CDC20B: variants seen among roughly 807,000 people sequenced by gnomAD.
CDC20B encodes the protein cell division cycle 20B.
In CDC20B, 58 loss-of-function variants were observed where a neutral mutation model predicts 64.1. That is an observed-to-expected ratio of 0.90 (90% confidence interval 0.73 to 1.13). The LOEUF is 1.13. Among genes scored for constraint, CDC20B ranks in the 50% most tolerant of loss-of-function variants. The pLI, the probability that CDC20B is intolerant of heterozygous loss-of-function variation, is 0.00. For missense variants in CDC20B, 597 were observed against 633.0 expected, an observed-to-expected ratio of 0.94 and a Z score of 0.61; for synonymous variants, 243 against 230.6, an observed-to-expected ratio of 1.05 and a Z score of -0.49.
In CDC20B at chr5:55,160,284, C is replaced by T. The variant is rs781053386; in HGVS notation, c.126+12304G>A. On this transcript the variant is annotated intron_variant, in intron 2 of 11. Coordinates refer to ENST00000381375, the MANE Select transcript of CDC20B (RefSeq NM_001170402.1). ...CTGTCTATAGTTCTATGCACAGTAA[C>T]GCTATTTCTTCTACAACTAAAATTC... 4.3e-6 allele frequency: 7 copies of T among 1,613,286 alleles called. No individual in the cohort carries two copies. In the East Asian group the frequency reaches 1.3e-4, roughly 31 times the overall value.
At chr5:55,143,735 A>G in intron 3 of CDC20B, 92 bp from the exon 4 acceptor site, 1 of 1,300,666 alleles carries the variant, frequency 7.7e-7, no homozygotes, top group Non-Finnish European at 1.1e-6. Flanking sequence ...TCACAGAAGG[A>G]CAGAGTGAAA....
At chr5:55,134,160 AC>A (rs1356306330) in intron 5 of CDC20B, among the ~76,000 whole-genome samples, 1 of 152,150 alleles carries the variant, frequency 6.6e-6, no homozygotes, top group Admixed American at 6.5e-5. Context: ...CTAAGTTCAA[AC>A]CACAGGCCGC....
chr5:55,143,831 T>C (rs779685987), intron 3 of CDC20B, among the ~76,000 whole-genome samples, 188 bp from the exon 4 acceptor site: 25 of 152,120 alleles, frequency 1.6e-4, no homozygotes, highest in Non-Finnish European at 2.5e-4. Context: ...CCAAAGTCCA[T>C]TGCAGAGAGC....
Position 55,143,580 on chromosome 5 carries a change from A to G in CDC20B, c.419T>C (p.Leu140Pro), listed in dbSNP as rs1743390146. The change falls in exon 4 of 12, where the codon CTC becomes CCC. Residue 140 changes from leucine (L) to proline (P), a missense_variant. Coordinates refer to ENST00000381375, the MANE Select transcript of CDC20B (RefSeq NM_001170402.1). ...KGISETSNSA[L>P]HFCKAPHAMD... The stretch of plus-strand genomic sequence containing the variant: ...TGCATGAGGTGCCTTGCAAAAATGG[A>G]GAGCAGAGTTACTTGTTTCAGAAAT... 1 of 1,610,236 alleles carries G rather than the reference A, an allele frequency of 6.2e-7. No individual in the cohort carries two copies. The highest frequency in any genetic ancestry group is 1.1e-5 in the South Asian group (1 of 90,560).
At chr5:55,150,802 C>T (rs570828108) in intron 2 of CDC20B, among the ~76,000 whole-genome samples, 11 of 152,178 alleles carry the variant, frequency 7.2e-5, no homozygotes, top group African/African-American at 2.2e-4. Flanking sequence ...TGGAGTGCAG[C>T]GGCACAATCA....
chr5:55,126,096 A>G (rs1332751954), intron 8 of CDC20B, among the ~76,000 whole-genome samples: 1 of 152,230 alleles, frequency 6.6e-6, no homozygotes, highest in Non-Finnish European at 1.5e-5. Flanking sequence ...AGATTAGAAA[A>G]GGAGCTTGAG....
chr5:55,166,348 T>G (rs565453107), intron 2 of CDC20B: 4 of 152,344 alleles, frequency 2.6e-5, no homozygotes, highest in Non-Finnish European at 4.4e-5. Context: ...TTCACTTACA[T>G]CTCTCTAATC....
chr5:55,117,881 G>A (rs1371191539), intron 11 of CDC20B, among the ~76,000 whole-genome samples: 6 of 152,124 alleles, frequency 3.9e-5, no homozygotes, highest in Admixed American at 6.5e-5. Flanking sequence ...TTGGGAGGCC[G>A]AGGTGGGTGG....
chr5:55,128,280 C>T (rs565384962), intron 7 of CDC20B, 141 bp downstream of exon 7: 35 of 491,184 alleles, frequency 7.1e-5, no homozygotes, highest in East Asian at 4.1e-4. Context: ...AAAAAAAAAG[C>T]GGAATGTCAT....
rs1004627991 is a variant in CDC20B, at chr5:55,158,960, T to G, written c.127-12104A>C. On this transcript the variant is annotated intron_variant, in intron 2 of 11. Coordinates refer to ENST00000381375, the MANE Select transcript of CDC20B (RefSeq NM_001170402.1). ...TTTCAGGGATTTTTTTTGGTAGAAT[T>G]GCCTTATTTAACTGTTAAATTACTA... Among the ~76,000 whole-genome samples the G allele has an allele frequency of 2.6e-5, 4 of 152,172 alleles. No homozygotes were observed. In the South Asian group the frequency reaches 8.3e-4, roughly 32 times the overall value.
intron 2 of CDC20B, chr5:55,161,095 C>CGT (rs1561302976): frequency 6.2e-7 from 1 of 1,614,156 alleles, no homozygotes; most frequent in South Asian, 1.1e-5. Flanking sequence ...CCCACTTCAG[C>CGT]GTGTTGGCTT....
Position 55,113,095 on chromosome 5 carries a change from T to TTGTGTCCCCTGG in CDC20B, c.*1122_*1123insCCAGGGGACACA, listed in dbSNP as rs1742545647. 2 of 152,294 alleles carry TTGTGTCCCCTGG rather than the reference T, an allele frequency of 1.3e-5. No individual in the cohort carries two copies. Among genetic ancestry groups the TTGTGTCCCCTGG allele is most frequent in the South Asian group, 4.1e-4 (2 of 4,828 alleles). The allele number at this position is 152,294 out of a possible 1,614,324, so 9.4% of individuals were successfully genotyped here. ...ATTTCAAAACACTTCCTGGAGAGGT[T>TTGTGTCCCCTGG]AGGACTTGTGTGGGTGTGTAAAGGA... is the stretch of plus-strand genomic sequence containing the variant. On this transcript the variant is annotated 3_prime_UTR_variant, in exon 12 of 12. Coordinates refer to ENST00000381375, the MANE Select transcript of CDC20B (RefSeq NM_001170402.1).
chr5:55,147,966 A>G (rs566345754), intron 2 of CDC20B, among the ~76,000 whole-genome samples: 28 of 152,352 alleles, frequency 1.8e-4, no homozygotes, highest in African/African-American at 6.7e-4. Context: ...TTTGATATTT[A>G]TAGAGCCTGT....
rs1419250668 is a variant in CDC20B at position 55,146,641 on chromosome 5, C to A, written c.342G>T (p.Glu114Asp). 1.2e-6 allele frequency: 2 copies of A among 1,613,950 alleles called. No individual in the cohort carries two copies. The highest frequency in any genetic ancestry group is 2.2e-5 in the South Asian group (2 of 91,072). ...GSVLKTPPEK[E>D]TLTLGSRKEQ... ...GGGGCACCTCACCTAGAGTCAAGGT[C>A]TCTTTCTCAGGCGGTGTCTTCAGCA... Residue 114 changes from glutamate to aspartate, a missense_variant, in exon 3 of 12, where the codon GAG becomes GAT. Glu to Asp is a conservative substitution (Grantham distance 45, BLOSUM62 2). Transcript: ENST00000381375.
intron 4 of CDC20B, 58 bp downstream of exon 4, chr5:55,143,455 A>G (rs1241740532): frequency 2.7e-6 from 4 of 1,499,032 alleles, no homozygotes; most frequent in African/African-American, 1.4e-5. Context: ...TACATTTGCA[A>G]CTAAGTTGTC....
At chr5:55,144,094 C>T (rs1259844181) in intron 3 of CDC20B, among the ~76,000 whole-genome samples, 1 of 151,868 alleles carries the variant, frequency 6.6e-6, no homozygotes, top group Non-Finnish European at 1.5e-5. Flanking sequence ...TTTGCCCGAG[C>T]TATGGTCATC....
chr5:55,151,955 G>A (rs1055109634), intron 2 of CDC20B, among the ~76,000 whole-genome samples: 13 of 152,220 alleles, frequency 8.5e-5, no homozygotes, highest in African/African-American at 3.1e-4. Flanking sequence ...GTTAAGTTGA[G>A]GTGAGGAGAC....
intron 2 of CDC20B, among the ~76,000 whole-genome samples, chr5:55,151,122 G>C (rs1472488440): frequency 1.3e-5 from 2 of 152,124 alleles, no homozygotes; most frequent in African/African-American, 2.4e-5. Flanking sequence ...AGAGGCTTTG[G>C]GGTCTCAGCC....
intron 5 of CDC20B, among the ~76,000 whole-genome samples, chr5:55,139,431 C>T (rs1561293175): frequency 6.6e-6 from 1 of 151,930 alleles, no homozygotes; most frequent in Admixed American, 6.6e-5. Flanking sequence ...AAAGGGAGGA[C>T]ATCAAGGAAA....
Sources: allele counts gnomAD v4.1 joint callset (sites outside exome capture counted in the v4.1 genomes callset), GRCh38; gene constraint gnomAD v4.1.1; transcripts MANE v1.5; gene names NCBI Gene and HGNC (gene_info 2026-07-23, HGNC 2026-07-21).